GPATCH8: variants seen among roughly 807,000 people sequenced by gnomAD.
GPATCH8 encodes G patch domain-containing protein 8.
GPATCH8 carries 18 observed loss-of-function variants against 118.3 expected under a neutral mutation model. The observed-to-expected ratio is 0.15, with a 90% confidence interval of 0.11 to 0.23. GPATCH8 has a LOEUF of 0.23. GPATCH8 is among the 10% of genes least tolerant of loss of function. The probability of loss-of-function intolerance (pLI) is 1.00; values close to 1 mark genes in which losing one functional copy is unlikely to be tolerated. For missense variants in GPATCH8, 1,631 were observed against 1,873.8 expected (o/e 0.87, Z 2.39); for synonymous variants, 659 against 684.7 (o/e 0.96, Z 0.59).
chr17:44,400,669 T>C lies in GPATCH8; in HGVS notation c.1408A>G (p.Met470Val), dbSNP rs376552251. 6.8e-6 allele frequency: 11 copies of C among 1,612,166 alleles called. No homozygotes were observed. The African/African-American group carries it at 1.1e-4, about 16-fold the overall frequency. ...EVSEQPKETS[M>V]TEPSEPGSKA... ...CTTCCTGGTTCTGAGGGCTCGGTCA[T>C]GCTGGTTTCCTTCGGCTGCTCAGAG... The change falls in exon 8 of 8, where the codon ATG becomes GTG. Residue 470 changes from methionine to valine, a missense_variant. Transcript: ENST00000591680.
chr17:44,398,103 T>C lies in GPATCH8; in HGVS notation c.3974A>G (p.Gln1325Arg). 3 of 1,614,090 alleles carry C rather than the reference T, an allele frequency of 1.9e-6. No individual in the cohort carries two copies. The highest frequency in any genetic ancestry group is 2.5e-6 in the Non-Finnish European group (3 of 1,179,988). ...CTGCTGGATGTGTTGCTGAGCAGCC[T>C]GCTGGAGCTTGCTGTACTTCTCCAT... is the stretch of plus-strand genomic sequence containing the variant. Reference protein sequence around the residue: ...EEMEKYSKLQQAAQQHIQQQL... With the variant: ...EEMEKYSKLQRAAQQHIQQQL... Residue 1325 changes from glutamine to arginine, a missense_variant, in exon 8 of 8, where the codon CAG becomes CGG. Coordinates refer to ENST00000591680, the MANE Select transcript of GPATCH8 (RefSeq NM_001002909.4).
intron 3 of GPATCH8, among the ~76,000 whole-genome samples, chr17:44,457,381 T>C (rs2051375286): frequency 6.6e-6 from 1 of 152,214 alleles, no homozygotes; most frequent in African/African-American, 2.4e-5. Flanking sequence ...ATTTTTTGGC[T>C]AATGATTTTA....
chr17:44,471,673 C>A (rs1967289167), intron 2 of GPATCH8, among the ~76,000 whole-genome samples: 1 of 152,110 alleles, frequency 6.6e-6, no homozygotes, highest in Non-Finnish European at 1.5e-5. Flanking sequence ...AGAAGTAACA[C>A]CATTTTCCCC....
At chr17:44,474,658 A>T (rs1271384377) in intron 2 of GPATCH8, 171 bp downstream of exon 2, 2 of 690,014 alleles carry the variant, frequency 2.9e-6, no homozygotes, top group African/African-American at 3.5e-5. Context: ...CCAACATATT[A>T]AATATTAGAT....
intron 3 of GPATCH8, among the ~76,000 whole-genome samples, chr17:44,444,254 TA>T (rs11373151): frequency 1.4e-5 from 2 of 145,438 alleles, no homozygotes. Flanking sequence ...TACTTTCAAT[TA>T]AAAAAAAAAA....
intron 4 of GPATCH8, 46 bp downstream of exon 4, chr17:44,436,432 T>C: frequency 1.2e-6 from 1 of 843,988 alleles, no homozygotes; most frequent in South Asian, 1.3e-5. Context: ...ATTAGTATTA[T>C]TTCAAAATAT....
intron 1 of GPATCH8, among the ~76,000 whole-genome samples, chr17:44,489,207 T>A (rs1306061615): frequency 2.0e-5 from 3 of 152,112 alleles, no homozygotes; most frequent in African/African-American, 4.8e-5. Flanking sequence ...TAAGAGTGCA[T>A]AATGCTTAGT....
intron 1 of GPATCH8, among the ~76,000 whole-genome samples, chr17:44,479,740 G>T (rs1249089600): frequency 1.3e-5 from 2 of 151,918 alleles, no homozygotes; most frequent in Non-Finnish European, 2.9e-5. Flanking sequence ...AGGTCGAGGC[G>T]GGTAGATCAC....
chr17:44,496,358 ACT>A (rs1969669985), intron 1 of GPATCH8, among the ~76,000 whole-genome samples: 1 of 152,126 alleles, frequency 6.6e-6, no homozygotes, highest in African/African-American at 2.4e-5. Flanking sequence ...ATGTCAGAAA[ACT>A]CTATGACTTT....
chr17:44,403,975 T>C (rs993833263), intron 7 of GPATCH8, among the ~76,000 whole-genome samples: 5 of 151,708 alleles, frequency 3.3e-5, no homozygotes, highest in African/African-American at 9.7e-5. Context: ...ATTACAGGCG[T>C]GAGCCACCGT....
intron 2 of GPATCH8, chr17:44,474,285 AG>A (rs1329346484): frequency 4.3e-5 from 7 of 163,328 alleles, no homozygotes; most frequent in African/African-American, 1.7e-4. Flanking sequence ...AAAACTAAGC[AG>A]TGTGAAAAGA....
chr17:44,398,730 G>C lies in GPATCH8; in HGVS notation c.3347C>G (p.Pro1116Arg). ...CTTGAGCTTGGGCCCAGCTTTATTAGGGGTGGCCTGCACCTCCTCACTCAC... is the reference window on the plus strand; with the variant it reads ...CTTGAGCTTGGGCCCAGCTTTATTACGGGTGGCCTGCACCTCCTCACTCAC... ...PSVSEEVQAT[P>R]NKAGPKLKDP... The change falls in exon 8 of 8, where the codon CCT becomes CGT. Residue 1116 changes from proline (P) to arginine (R), a missense_variant. Physicochemically the swap from Pro to Arg is moderately radical, Grantham distance 103 (BLOSUM62 -2). Around this residue, in one of 8 missense-constraint regions of GPATCH8, gnomAD observed 922 missense variants for 879.7 expected, o/e 1.05. Coordinates refer to ENST00000591680, the MANE Select transcript of GPATCH8 (RefSeq NM_001002909.4). 6.2e-7 allele frequency: 1 copy of C among 1,610,828 alleles called. No individual in the cohort carries two copies. Among genetic ancestry groups the C allele is most frequent in the Non-Finnish European group, 8.5e-7 (1 of 1,177,682 alleles).
intron 2 of GPATCH8, chr17:44,465,714 A>G (rs1052653801): frequency 7.2e-5 from 11 of 152,232 alleles, no homozygotes; most frequent in African/African-American, 2.2e-4. Flanking sequence ...TGAAAATCCC[A>G]TATTTCCTGA....
At chr17:44,402,550 G>A (rs1031085148) in intron 7 of GPATCH8, among the ~76,000 whole-genome samples, 1 of 152,100 alleles carries the variant, frequency 6.6e-6, no homozygotes, top group African/African-American at 2.4e-5. Context: ...TCAGAAGGCT[G>A]AGGAGGGAGG....
chr17:44,474,959 A>T, intron 1 of GPATCH8, 56 bp from the exon 2 acceptor site: 2 of 825,872 alleles, frequency 2.4e-6, no homozygotes, highest in South Asian at 2.7e-5. Context: ...CAAATCTATT[A>T]ACAGCTTAAC....
chr17:44,404,480 T>C (rs868814737), intron 7 of GPATCH8, among the ~76,000 whole-genome samples: 5 of 152,088 alleles, frequency 3.3e-5, no homozygotes, highest in South Asian at 2.1e-4. Flanking sequence ...ATGGGAATCA[T>C]TGTAATAGTG....
chr17:44,408,415 G>C (rs1186927190), intron 6 of GPATCH8, among the ~76,000 whole-genome samples: 1 of 152,032 alleles, frequency 6.6e-6, no homozygotes, highest in Non-Finnish European at 1.5e-5. Context: ...TTCAATTCCT[G>C]ACCTCAGGTG....
chr17:44,448,535 AAGGAAGAAGAAG>A (rs199798806), intron 3 of GPATCH8, among the ~76,000 whole-genome samples: 4 of 90,276 alleles, frequency 4.4e-5, no homozygotes, highest in Non-Finnish European at 8.1e-5. Context: ...GAAGAAGAAG[AAGGAAGAAGAAG>A]AGGAAGAGGA....
intron 6 of GPATCH8, among the ~76,000 whole-genome samples, chr17:44,421,050 C>T (rs1254490279): frequency 6.6e-6 from 1 of 152,080 alleles, no homozygotes; most frequent in Non-Finnish European, 1.5e-5. Flanking sequence ...CGGGGTTTCA[C>T]CAAGTTGGAC....
Sources: gnomAD v4.1 joint callset for allele counts (sites outside exome capture counted in the v4.1 genomes callset) on GRCh38, gnomAD v4.1.1 for gene constraint, gnomAD v4.1.1 regional missense constraint, MANE v1.5 for transcripts, NCBI Gene and HGNC (gene_info 2026-07-23, HGNC 2026-07-21) for gene names.